B4GALT1: variants seen among roughly 807,000 people sequenced by gnomAD.
B4GALT1 encodes the protein beta-1,4-galactosyltransferase 1.
B4GALT1 carries 16 observed loss-of-function variants against 34.9 expected under a neutral mutation model. The observed-to-expected ratio is 0.46, with a 90% CI of 0.31 to 0.70. The LOEUF (loss-of-function observed/expected upper bound fraction) is 0.70, where lower values mean the gene tolerates loss of function less well. B4GALT1 is among the 30% of genes least tolerant of loss of function. B4GALT1 has a pLI of 0.05. For synonymous variants in B4GALT1, 221 were observed against 218.1 expected, an observed-to-expected ratio of 1.01 and a Z score of -0.12; for missense variants, 445 against 530.5, an observed-to-expected ratio of 0.84 and a Z score of 1.58.
At chr9:33,127,798 T>C (rs917593907) in intron 2 of B4GALT1, among the ~76,000 whole-genome samples, 2 of 152,250 alleles carry the variant, frequency 1.3e-5, no homozygotes, top group African/African-American at 4.8e-5. Flanking sequence ...CAAAAGTTTA[T>C]ACACACACAG....
At chr9:33,118,006 T>A (rs2118040198) in intron 3 of B4GALT1, among the ~76,000 whole-genome samples, 1 of 152,322 alleles carries the variant, frequency 6.6e-6, no homozygotes, top group South Asian at 2.1e-4. Flanking sequence ...AGGCTCCTTG[T>A]GAAACAAACA....
At chr9:33,108,653 GGTGGATGTGTGTGTCTCTGTGTGTCTGT>G (rs969704400), downstream of B4GALT1, 7 of 152,138 alleles carry the variant, frequency 4.6e-5, no homozygotes, top group Non-Finnish European at 8.8e-5. Context: ...CGTGCGTCTG[GGTGGATGTGTGTGTCTCTGTGTGTCTGT>G]GTGGATATGT....
At chr9:33,119,716 AAAAAC>A (rs1839993054) in intron 3 of B4GALT1, among the ~76,000 whole-genome samples, 2 of 152,094 alleles carry the variant, frequency 1.3e-5, no homozygotes, top group Non-Finnish European at 2.9e-5. Context: ...ACCCTGTCTC[AAAAAC>A]AAAACAAAAC....
At chr9:33,182,557 ACTC>A in the B4GALT1 span, among the ~76,000 whole-genome samples, 198 of 151,782 alleles carry the variant, frequency 1.3e-3, no homozygotes, top group African/African-American at 4.5e-3. Context: ...CTGGTGAATT[ACTC>A]CTCCCTTTTT....
Position 33,167,236 on chromosome 9 carries a change from C to T in B4GALT1, c.-67G>A. ...GGAGGCGACCCGCCCGCGGGCCGCCCGCCAGGCGCTGCCCCACAGCGGCGA... is the reference window on the plus strand; with the variant it reads ...GGAGGCGACCCGCCCGCGGGCCGCCTGCCAGGCGCTGCCCCACAGCGGCGA... On this transcript the variant is annotated 5_prime_UTR_variant, in exon 1 of 6. Coordinates refer to ENST00000379731, the MANE Select transcript of B4GALT1 (RefSeq NM_001497.4). 2 of 1,449,458 alleles carry T rather than the reference C, an allele frequency of 1.4e-6. No homozygotes were observed. Among genetic ancestry groups the T allele is most frequent in the Non-Finnish European group, 1.8e-6 (2 of 1,106,908 alleles). The allele number at this position is 1,449,458 out of a possible 1,614,324, so 89.8% of individuals were successfully genotyped here. A position where few individuals can be genotyped will look rare whatever the true frequency, so the allele number is the denominator to read the frequency against.
chr9:33,183,576 T>C, the B4GALT1 span, among the ~76,000 whole-genome samples: 1 of 127,086 alleles, frequency 7.9e-6, no homozygotes, highest in East Asian at 2.5e-4. Flanking sequence ...TAGGTGGGAA[T>C]TGAACAATGA....
the B4GALT1 span, among the ~76,000 whole-genome samples, chr9:33,173,317 A>AT: frequency 6.6e-6 from 1 of 151,972 alleles, no homozygotes; most frequent in Admixed American, 6.6e-5. Flanking sequence ...AGGCAGGAGA[A>AT]TCACTTGAAC....
chr9:33,131,510 C>T (rs1282989557), intron 2 of B4GALT1, among the ~76,000 whole-genome samples: 2 of 152,184 alleles, frequency 1.3e-5, no homozygotes, highest in Non-Finnish European at 2.9e-5. Flanking sequence ...TGTTTGGGAA[C>T]CCTTGGACTA....
chr9:33,107,743 G>T (rs1011544071), downstream of B4GALT1, among the ~76,000 whole-genome samples: 1 of 152,136 alleles, frequency 6.6e-6, no homozygotes, highest in Non-Finnish European at 1.5e-5. Context: ...GCCTGTCCTT[G>T]GCCCTCTTCC....
intron 1 of B4GALT1, among the ~76,000 whole-genome samples, chr9:33,137,356 A>G (rs963925612): frequency 2.6e-5 from 4 of 152,190 alleles, no homozygotes; most frequent in African/African-American, 7.2e-5. Context: ...TCTCTGCGCT[A>G]TCACAGAGCT....
At position 33,120,568 on chromosome 9, in the gene B4GALT1, A is replaced by G. The variant is rs370081465; in HGVS notation, c.687T>C (p.Asn229=). The G allele has an allele frequency of 3.1e-6, 5 of 1,614,128 alleles. No individual in the cohort carries two copies. The highest frequency in any genetic ancestry group is 4.2e-6 in the Non-Finnish European group (5 of 1,180,052). The change falls in exon 3 of 6, where the codon AAT becomes AAC. Residue 229 remains asparagine (N), a synonymous_variant. Coordinates refer to ENST00000379731, the MANE Select transcript of B4GALT1 (RefSeq NM_001497.4). ...DTIFNRAKLL[N]VGFQEALKDY... ...CCTTCAAGGCTTCTTGAAAGCCAAC[A>G]TTGAGGAGCTTAGCACGATTGAATA...
rs41316025 is a variant in B4GALT1 at position 33,112,575 on chromosome 9, A to G, written c.*879T>C. 0.017 allele frequency: 2,597 copies of G among 152,774 alleles called. 44 individuals are homozygous for G. Among genetic ancestry groups the G allele is most frequent in the South Asian group, 0.048 (232 of 4,826 alleles). The allele number at this position is 152,774 out of a possible 1,614,324, so 9.5% of individuals were successfully genotyped here. A position where few individuals can be genotyped will look rare whatever the true frequency, so the allele number is the denominator to read the frequency against. On this transcript the variant is annotated 3_prime_UTR_variant, in exon 6 of 6. Transcript: ENST00000379731. ...TGCTCAATACCCCTCCCCATATTTA[A>G]AACACCACAATAAAAATACATAGGA...
chr9:33,104,850 C>T (rs1839782852), intron 2 of B4GALT1: 1 of 436,916 alleles, frequency 2.3e-6, no homozygotes, highest in African/African-American at 2.1e-5. Flanking sequence ...GACAGTCTCA[C>T]TCTGTTGCCC....
chr9:33,123,439 G>A (rs1484888647), intron 2 of B4GALT1, among the ~76,000 whole-genome samples: 2 of 152,116 alleles, frequency 1.3e-5, no homozygotes, highest in Non-Finnish European at 2.9e-5. Context: ...TAATCATCTT[G>A]ACAATCTTGT....
intron 1 of B4GALT1, among the ~76,000 whole-genome samples, chr9:33,138,981 C>T (rs1439895248): frequency 6.6e-6 from 1 of 152,138 alleles, no homozygotes; most frequent in Non-Finnish European, 1.5e-5. Flanking sequence ...CACATACACA[C>T]ACACACACGC....
downstream of B4GALT1, among the ~76,000 whole-genome samples, chr9:33,107,535 G>A (rs1839807215): frequency 1.3e-5 from 2 of 152,190 alleles, no homozygotes. Flanking sequence ...GGGCCCCTTG[G>A]CCCTGCCTCC....
rs925492641 is a variant in B4GALT1 at position 33,167,264 on chromosome 9, A to G, written c.-95T>C. On this transcript the variant is annotated 5_prime_UTR_variant, in exon 1 of 6. Transcript: ENST00000379731. ...CAGGCGCTGCCCCACAGCGGCGACT[A>G]GGGGAGGGCCCGGAGCGGGGGCGGG... 7 of 1,393,222 alleles carry G rather than the reference A, an allele frequency of 5.0e-6. No homozygotes were observed. The highest frequency in any genetic ancestry group is 3.1e-5 in the Admixed American group (1 of 32,676). 86.3% of individuals were successfully genotyped at this position (1,393,222 alleles called of 1,614,324 possible).
At chr9:33,154,598 G>A (rs1190601744) in intron 1 of B4GALT1, among the ~76,000 whole-genome samples, 1 of 152,226 alleles carries the variant, frequency 6.6e-6, no homozygotes, top group Non-Finnish European at 1.5e-5. Context: ...CTTTCGTTCA[G>A]TGATGTAGGT....
At chr9:33,137,216 C>G (rs138901046) in intron 1 of B4GALT1, among the ~76,000 whole-genome samples, 1 of 152,330 alleles carries the variant, frequency 6.6e-6, no homozygotes, top group African/African-American at 2.4e-5. Flanking sequence ...CTCTGTCTGT[C>G]TCCCTCCCCA....
Sources: allele counts gnomAD v4.1 joint callset (sites outside exome capture counted in the v4.1 genomes callset), GRCh38; gene constraint gnomAD v4.1.1; transcripts MANE v1.5; gene names NCBI Gene and HGNC (gene_info 2026-07-23, HGNC 2026-07-21).